Variants in PANX3 observed in about 807,000 individuals in gnomAD.
PANX3 encodes the protein pannexin-3.
A neutral mutation model predicts 31.5 loss-of-function variants in PANX3; 18 were observed. That is an observed-to-expected ratio of 0.57 (90% CI 0.39 to 0.85). The LOEUF is 0.85. PANX3 is among the 40% of genes least tolerant of loss of function. The probability of loss-of-function intolerance (pLI) is 0.00; values close to 1 mark genes in which losing one functional copy is unlikely to be tolerated. For missense variants in PANX3, 426 were observed against 485.4 expected (o/e 0.88, Z 1.15); for synonymous variants, 194 against 201.6 (o/e 0.96, Z 0.32).
chr11:124,612,720 C>G (rs573771903), intron 1 of PANX3, among the ~76,000 whole-genome samples: 1 of 152,230 alleles, frequency 6.6e-6, no homozygotes, highest in South Asian at 2.1e-4. Context: ...CACAAAAAGC[C>G]CAGGGGGTGC....
chr11:124,619,461 C>T lies in PANX3; in HGVS notation c.705C>T (p.Phe235=), dbSNP rs756002737. ...LYLGHFHLDV[F]FQEEFSCSIK... ...TTGGTCATTTCCATCTGGATGTCTT[C>T]TTCCAGGAAGAATTCAGCTGCTCCA... The change falls in exon 4 of 4, where the codon TTC becomes TTT. Residue 235 remains phenylalanine, a synonymous_variant. Coordinates refer to ENST00000284288, the MANE Select transcript of PANX3 (RefSeq NM_052959.3). 4 of 1,614,214 alleles carry T rather than the reference C, an allele frequency of 2.5e-6. No individual in the cohort carries two copies. The South Asian group carries it at 3.3e-5, about 13-fold the overall frequency.
At chr11:124,612,200 G>A (rs1212556952) in intron 1 of PANX3, among the ~76,000 whole-genome samples, 1 of 152,076 alleles carries the variant, frequency 6.6e-6, no homozygotes, top group Non-Finnish European at 1.5e-5. Flanking sequence ...TGTGTTAAGT[G>A]CCTGAGGGCC....
At chr11:124,615,170 C>G (rs56035943) in intron 2 of PANX3, among the ~76,000 whole-genome samples, 2,119 of 152,144 alleles carry the variant, frequency 0.014, 49 homozygotes, top group African/African-American at 0.049. Context: ...GCAACCTCCG[C>G]CTTCTGGGTT....
intron 2 of PANX3, among the ~76,000 whole-genome samples, chr11:124,615,843 C>G (rs2134311576): frequency 6.6e-6 from 1 of 152,164 alleles, no homozygotes; most frequent in African/African-American, 2.4e-5. Context: ...GAAACCCCAT[C>G]TCTACTAAAA....
intron 1 of PANX3, among the ~76,000 whole-genome samples, chr11:124,612,279 T>C (rs770539915): frequency 6.6e-6 from 1 of 152,204 alleles, no homozygotes; most frequent in South Asian, 2.1e-4. Flanking sequence ...CACACAGACA[T>C]TAGCATACAC....
Position 124,619,313 on chromosome 11 carries a change from A to G in PANX3, c.557A>G (p.Tyr186Cys). 2 of 1,613,338 alleles carry G rather than the reference A, an allele frequency of 1.2e-6. No individual in the cohort carries two copies. The highest frequency in any genetic ancestry group is 1.7e-6 in the Non-Finnish European group (2 of 1,179,756). Residue 186 changes from tyrosine (Y) to cysteine (C), a missense_variant, in exon 4 of 4, where the codon TAC (tyrosine) becomes TGC (cysteine). Physicochemically the swap from Tyr to Cys is radical, Grantham distance 194 (BLOSUM62 -2). Coordinates refer to ENST00000284288, the MANE Select transcript of PANX3 (RefSeq NM_052959.3). ...NELEKARKER[Y>C]FEFPLLERYL... The stretch of plus-strand genomic sequence containing the variant: ...CTGCCCAGGGCTCGGAAAGAACGAT[A>G]CTTTGAATTCCCTTTGCTAGAGCGG...
chr11:124,612,874 C>T, intron 1 of PANX3, 106 bp from the exon 2 acceptor site: 5 of 1,391,088 alleles, frequency 3.6e-6, no homozygotes, highest in Non-Finnish European at 4.9e-6. Flanking sequence ...GGGAAGAAGA[C>T]AGTCCCTGCC....
At position 124,616,223 on chromosome 11, in the gene PANX3, CG is replaced by C. The variant is rs1382241682; in HGVS notation, c.325-1049del. On this transcript the variant is annotated intron_variant, in intron 2 of 3. Coordinates refer to ENST00000284288, the MANE Select transcript of PANX3 (RefSeq NM_052959.3). The surrounding 1 kb of genome is among the most constrained non-coding windows in gnomAD (Gnocchi z 4.8). Reference sequence around the variant, plus strand: ...ATTATCGTCTCAGGGTTCTGGAGACCGGAAGTCTAAGATCAAGGTGTCATCA... The same window carrying C: ...ATTATCGTCTCAGGGTTCTGGAGACCGAAGTCTAAGATCAAGGTGTCATCA... Among the ~76,000 whole-genome samples, 1 of 151,962 alleles carries C rather than the reference CG, an allele frequency of 6.6e-6. No individual in the cohort carries two copies. Among genetic ancestry groups the C allele is most frequent in the Non-Finnish European group, 1.5e-5 (1 of 67,992 alleles).
chr11:124,617,507 C>A lies in PANX3; in HGVS notation c.539+19C>A, dbSNP rs775934204. On this transcript the variant is annotated intron_variant, in intron 3 of 3. Transcript: ENST00000284288. ...TGGAGAAGTGAGTTGTCTCTTCCAC[C>A]TTTTTCTGAGAAATTCAGTCAAGCA... 2.5e-5 allele frequency: 40 copies of A among 1,606,982 alleles called. No individual in the cohort carries two copies. In the East Asian group the frequency reaches 3.8e-4, roughly 15 times the overall value.
In PANX3 at chr11:124,616,365, T is replaced by C. The variant is rs1393179421; in HGVS notation, c.325-909T>C. Among the ~76,000 whole-genome samples, 1 of 151,452 alleles carries C rather than the reference T, an allele frequency of 6.6e-6. No individual in the cohort carries two copies. Among genetic ancestry groups the C allele is most frequent in the Non-Finnish European group, 1.5e-5 (1 of 67,818 alleles). ...ATGCATTTCTGCTTCTTTACCTGGC[T>C]TTTTTTTTAAAAAAGAAAAAAAAGA... On this transcript the variant is annotated intron_variant, in intron 2 of 3. Transcript: ENST00000284288. This position sits in a 1 kb window ranked among gnomAD's most constrained non-coding sequence, Gnocchi z 4.8.
Position 124,616,205 on chromosome 11 carries a change from T to G in PANX3, c.325-1069T>G, listed in dbSNP as rs1863151717. The stretch of plus-strand genomic sequence containing the variant: ...GTGGCTTCAACAATCAAAATTATCG[T>G]CTCAGGGTTCTGGAGACCGGAAGTC... On this transcript the variant is annotated intron_variant, in intron 2 of 3. Transcript: ENST00000284288. This position sits in a 1 kb window ranked among gnomAD's most constrained non-coding sequence, Gnocchi z 4.8. 6.6e-6 allele frequency among the ~76,000 whole-genome samples: 1 copy of G among 151,994 alleles called. No individual in the cohort carries two copies. The highest frequency in any genetic ancestry group is 2.4e-5 in the African/African-American group (1 of 41,370).
chr11:124,619,885 C>T lies in PANX3; in HGVS notation c.1129C>T (p.Pro377Ser), dbSNP rs199566360. 4.3e-5 allele frequency: 69 copies of T among 1,613,220 alleles called. No homozygotes were observed. The East Asian group carries it at 1.4e-3, about 33-fold the overall frequency. Reference protein sequence around the residue: ...DFMTLLAGLEPSKPKHLTNSA... With the variant: ...DFMTLLAGLESSKPKHLTNSA... Reference sequence around the variant, plus strand: ...TATGACTTTATTGGCTGGCTTAGAACCCTCAAAACCCAAACACCTCACCAA... The same window carrying T: ...TATGACTTTATTGGCTGGCTTAGAATCCTCAAAACCCAAACACCTCACCAA... Residue 377 changes from proline (P) to serine (S), a missense_variant, in exon 4 of 4, where the codon CCC becomes TCC. Pro to Ser is a moderately conservative substitution (Grantham distance 74). Coordinates refer to ENST00000284288, the MANE Select transcript of PANX3 (RefSeq NM_052959.3).
chr11:124,613,179 C>T, intron 2 of PANX3, 57 bp downstream of exon 2: 1 of 1,570,844 alleles, frequency 6.4e-7, no homozygotes, highest in Non-Finnish European at 8.6e-7. Flanking sequence ...GTGCAGAACC[C>T]CTTCATTCTA....
At chr11:124,615,880 T>C (rs939822303) in intron 2 of PANX3, among the ~76,000 whole-genome samples, 1 of 152,026 alleles carries the variant, frequency 6.6e-6, no homozygotes, top group African/African-American at 2.4e-5. Context: ...GGTGTGGTAG[T>C]GAGCACCTAT....
At chr11:124,617,756 A>G (rs2134313155) in intron 3 of PANX3, among the ~76,000 whole-genome samples, 2 of 152,334 alleles carry the variant, frequency 1.3e-5, no homozygotes, top group South Asian at 4.1e-4. Context: ...GAAACCTTAA[A>G]TAGCTCCCTT....
At chr11:124,615,869 G>A (rs765522792) in intron 2 of PANX3, among the ~76,000 whole-genome samples, 12 of 152,172 alleles carry the variant, frequency 7.9e-5, no homozygotes, top group East Asian at 5.8e-4. Flanking sequence ...AAAAGTAGCC[G>A]GGTGTGGTAG....
At chr11:124,614,859 T>G (rs1430180741) in intron 2 of PANX3, among the ~76,000 whole-genome samples, 2 of 151,228 alleles carry the variant, frequency 1.3e-5, no homozygotes, top group African/African-American at 4.9e-5. Context: ...GTATTTTTAG[T>G]AGAGATGGGG....
At chr11:124,617,235 C>G in intron 2 of PANX3, 39 bp from the exon 3 acceptor site, 1 of 1,518,258 alleles carries the variant, frequency 6.6e-7, no homozygotes, top group Non-Finnish European at 9.0e-7. Flanking sequence ...GGGGTCTCAG[C>G]AGCCCCGGCC....
intron 3 of PANX3, among the ~76,000 whole-genome samples, chr11:124,618,111 A>G (rs910281736): frequency 2.0e-5 from 3 of 152,250 alleles, no homozygotes; most frequent in East Asian, 3.8e-4. Context: ...TTCTGAGATA[A>G]TAAGTGGTAT....
Sources: gnomAD v4.1 joint callset for allele counts (sites outside exome capture counted in the v4.1 genomes callset) on GRCh38, gnomAD v4.1.1 for gene constraint, Gnocchi (gnomAD v3.1) non-coding constraint, MANE v1.5 for transcripts, NCBI Gene and HGNC (gene_info 2026-07-23, HGNC 2026-07-21) for gene names.